Variants in GOLGB1 observed in about 807,000 individuals in gnomAD.
GOLGB1 encodes the protein golgin subfamily B member 1.
GOLGB1 carries 174 observed loss-of-function variants against 336.9 expected under a neutral mutation model. That is an observed-to-expected ratio of 0.52 (90% CI 0.46 to 0.59). GOLGB1 has a LOEUF of 0.59. Among genes scored for constraint, GOLGB1 ranks in the 20% least tolerant of loss-of-function variants. The probability of loss-of-function intolerance (pLI) is 0.00; values close to 1 mark genes in which losing one functional copy is unlikely to be tolerated. For missense variants in GOLGB1, 3,331 were observed against 3,645.3 expected (o/e 0.91, Z 2.22); for synonymous variants, 1,208 against 1,289.2 (o/e 0.94, Z 1.35).
rs1337155217 is a variant in GOLGB1 at position 121,719,636 on chromosome 3, A to G, written c.771+10T>C. The G allele has an allele frequency of 1.3e-6, 2 of 1,597,058 alleles. No individual in the cohort carries two copies. Among genetic ancestry groups the G allele is most frequent in the Admixed American group, 1.7e-5 (1 of 57,568 alleles). On this transcript the variant is annotated intron_variant, in intron 7 of 21. Transcript: ENST00000614479. Reference sequence around the variant, plus strand: ...AATGACAGTCATTCTACCGAGTTTTAGCAACACACCTGTTGCATCTCTGTT... The same window carrying G: ...AATGACAGTCATTCTACCGAGTTTTGGCAACACACCTGTTGCATCTCTGTT...
At chr3:121,749,411 C>A (rs1947604555) in intron 1 of GOLGB1, among the ~76,000 whole-genome samples, 1 of 152,140 alleles carries the variant, frequency 6.6e-6, no homozygotes, top group Non-Finnish European at 1.5e-5. Flanking sequence ...GCAGGGTGAC[C>A]CCGAAGGCCC....
chr3:121,705,852 A>T (rs1264768193), intron 10 of GOLGB1, among the ~76,000 whole-genome samples: 1 of 152,232 alleles, frequency 6.6e-6, no homozygotes, highest in African/African-American at 2.4e-5. Flanking sequence ...GTGAAAAAAC[A>T]CTTCTCAGGG....
intron 2 of GOLGB1, 111 bp downstream of exon 2, chr3:121,730,765 G>T (rs7643293): frequency 0.1 from 102,198 of 985,330 alleles, 5,645 homozygotes; most frequent in South Asian, 0.17. Context: ...CTTAATCCTC[G>T]CTTCACCTAG....
At chr3:121,714,318 A>T (rs1487761923) in intron 10 of GOLGB1, among the ~76,000 whole-genome samples, 1 of 152,230 alleles carries the variant, frequency 6.6e-6, no homozygotes, top group Non-Finnish European at 1.5e-5. Context: ...AATCAGCCTG[A>T]ATCAGCCTTC....
intron 1 of GOLGB1, among the ~76,000 whole-genome samples, chr3:121,747,155 TATATATATA>T (rs1406688344): frequency 5.1e-4 from 19 of 37,480 alleles, no homozygotes; most frequent in African/African-American, 1.4e-3. Context: ...GGATGTTATA[TATATATATA>T]TATATATATA....
intron 14 of GOLGB1, among the ~76,000 whole-genome samples, chr3:121,687,469 G>A (rs1941871489): frequency 6.6e-6 from 1 of 152,146 alleles, no homozygotes; most frequent in South Asian, 2.1e-4. Context: ...CAGTTTAAGG[G>A]TAAAGTGTTA....
chr3:121,681,825 A>C lies in GOLGB1; in HGVS notation c.8735T>G (p.Ile2912Ser). 1.2e-6 allele frequency: 2 copies of C among 1,606,982 alleles called. No individual in the cohort carries two copies. The highest frequency in any genetic ancestry group is 1.7e-6 in the Non-Finnish European group (2 of 1,174,178). ...LKNLQQQYLQ[I>S]NQEITELHPL... ...ATGTAACTCAGTGATCTCTTGATTAATCTGTAAGTATTGCTGCTGCAGATT... is the reference window on the plus strand; with the variant it reads ...ATGTAACTCAGTGATCTCTTGATTACTCTGTAAGTATTGCTGCTGCAGATT... Residue 2912 changes from isoleucine (I) to serine (S), a missense_variant, in exon 15 of 22, where the codon ATT becomes AGT. Ile to Ser is a moderately radical substitution (Grantham distance 142, BLOSUM62 -2). Coordinates refer to ENST00000614479, the MANE Select transcript of GOLGB1 (RefSeq NM_001366282.2).
At chr3:121,676,265 G>T (rs1320406498) in intron 17 of GOLGB1, among the ~76,000 whole-genome samples, 1 of 152,126 alleles carries the variant, frequency 6.6e-6, no homozygotes, top group Non-Finnish European at 1.5e-5. Flanking sequence ...CTACTCCAGG[G>T]CCTTTTTCCT....
At chr3:121,673,057 G>GT (rs1481241114) in intron 17 of GOLGB1, among the ~76,000 whole-genome samples, 4 of 148,486 alleles carry the variant, frequency 2.7e-5, no homozygotes, top group Non-Finnish European at 4.5e-5. Context: ...TGTTTTGTGT[G>GT]TTTTTTTGTT....
Position 121,695,292 on chromosome 3 carries a change from G to C in GOLGB1, c.5231C>G (p.Ser1744Cys). 4.3e-6 allele frequency: 7 copies of C among 1,613,764 alleles called. No homozygotes were observed. Among genetic ancestry groups the C allele is most frequent in the Non-Finnish European group, 5.9e-6 (7 of 1,179,858 alleles). Residue 1744 changes from serine to cysteine, a missense_variant, in exon 13 of 22, where the codon TCT becomes TGT. Transcript: ENST00000614479. ...AGACATTAAAGACTGAAACTTCTTAGAAAGGGTTTCATACTCCATTTTGAC... is the reference window on the plus strand; with the variant it reads ...AGACATTAAAGACTGAAACTTCTTACAAAGGGTTTCATACTCCATTTTGAC... ...ERVKMEYETL[S>C]KKFQSLMSEK...
At chr3:121,737,598 C>T (rs998062459) in intron 1 of GOLGB1, among the ~76,000 whole-genome samples, 1 of 151,330 alleles carries the variant, frequency 6.6e-6, no homozygotes, top group African/African-American at 2.4e-5. Context: ...TTGCAGTGAG[C>T]CAAGATTCGC....
intron 1 of GOLGB1, among the ~76,000 whole-genome samples, chr3:121,731,327 T>C (rs1170964604): frequency 6.6e-6 from 1 of 152,158 alleles, no homozygotes; most frequent in Non-Finnish European, 1.5e-5. Flanking sequence ...CCTTCTTTCA[T>C]AGTAGTTTCA....
At chr3:121,684,273 CAA>C (rs201975409) in intron 14 of GOLGB1, among the ~76,000 whole-genome samples, 17 of 88,130 alleles carry the variant, frequency 1.9e-4, no homozygotes, top group East Asian at 3.2e-4. Context: ...AGAAATACAG[CAA>C]AAAAAAAAAA....
Position 121,691,751 on chromosome 3 carries a change from A to T in GOLGB1, c.7613T>A (p.Leu2538Gln). Residue 2538 changes from leucine to glutamine, a missense_variant, in exon 14 of 22, where the codon CTG becomes CAG. By Grantham distance (113) the Leu-to-Gln change is moderately radical. Coordinates refer to ENST00000614479, the MANE Select transcript of GOLGB1 (RefSeq NM_001366282.2). ...GTTCAGGTCTTCTCTATATTGGATC[A>T]GTTCTGCATCTAGCTTGGCATTCTC... ...NSENAKLDAE[L>Q]IQYREDLNQV... 6.2e-7 allele frequency: 1 copy of T among 1,613,536 alleles called. No individual in the cohort carries two copies. Among genetic ancestry groups the T allele is most frequent in the South Asian group, 1.1e-5 (1 of 91,018 alleles).
Position 121,691,428 on chromosome 3 carries a change from C to A in GOLGB1, c.7936G>T (p.Val2646Leu), listed in dbSNP as rs762281195. Residue 2646 changes from valine (V) to leucine (L), a missense_variant, in exon 14 of 22, where the codon GTA becomes TTA. By Grantham distance (32) the Val-to-Leu change is conservative (BLOSUM62 1). Coordinates refer to ENST00000614479, the MANE Select transcript of GOLGB1 (RefSeq NM_001366282.2). Reference protein sequence around the residue: ...HAQLKVKEEEVHRLSALFSSS... With the variant: ...HAQLKVKEEELHRLSALFSSS... ...GAAAACAAAGCACTTAACCTGTGTA[C>A]CTCTTCTTCTTTTACTTTTAACTGG... 13 of 1,613,542 alleles carry A rather than the reference C, an allele frequency of 8.1e-6. No homozygotes were observed. The highest frequency in any genetic ancestry group is 1.3e-5 in the African/African-American group (1 of 74,908).
Position 121,694,184 on chromosome 3 carries a change from AT to A in GOLGB1, c.6338del (p.Asn2113IlefsTer9). ...TCATCTGGCTTTTAACTGATTCTTT[AT>A]TTGACTGAAGTTCCTTTTTCAACTT... ...NLKLKKELQS[N>X]KESVKSQMKQ... On this transcript the variant is annotated frameshift_variant, in exon 13 of 22. Transcript: ENST00000614479. LOFTEE classifies it high-confidence loss of function. The A allele has an allele frequency of 6.2e-7, 1 of 1,613,166 alleles. No homozygotes were observed. Among genetic ancestry groups the A allele is most frequent in the Non-Finnish European group, 8.5e-7 (1 of 1,179,948 alleles).
chr3:121,688,222 C>G (rs939798332), intron 14 of GOLGB1, among the ~76,000 whole-genome samples: 1 of 152,216 alleles, frequency 6.6e-6, no homozygotes, highest in Non-Finnish European at 1.5e-5. Context: ...TCCACGGTCT[C>G]CCTCTGATGC....
intron 10 of GOLGB1, among the ~76,000 whole-genome samples, chr3:121,709,911 T>C (rs1018939893): frequency 2.0e-5 from 3 of 152,014 alleles, no homozygotes; most frequent in African/African-American, 7.2e-5. Context: ...AAATTCTAGA[T>C]AGACTGATGA....
rs771666605 is a variant in GOLGB1, at chr3:121,730,965, T to C, written c.7A>G (p.Ser3Gly). The C allele has an allele frequency of 5.0e-6, 8 of 1,611,694 alleles. No homozygotes were observed. In the African/African-American group the frequency reaches 1.1e-4, roughly 22 times the overall value. ...ACATTTGCTAATCCTGATAATCGGC[T>C]CAGCATTTCTGTAGGAAAAGAAGGG... ML[S>G]RLSGLANVVL... The change falls in exon 2 of 22, where the codon AGC becomes GGC. Residue 3 changes from serine to glycine, a missense_variant. Ser to Gly is a moderately conservative substitution (Grantham distance 56). Coordinates refer to ENST00000614479, the MANE Select transcript of GOLGB1 (RefSeq NM_001366282.2).
Sources: gnomAD v4.1 joint callset for allele counts (sites outside exome capture counted in the v4.1 genomes callset) on GRCh38, gnomAD v4.1.1 for gene constraint, MANE v1.5 for transcripts, NCBI Gene and HGNC (gene_info 2026-07-23, HGNC 2026-07-21) for gene names.